The following NDST2 variants were observed in gnomAD, a reference collection of about 807,000 sequenced individuals.
The protein encoded by NDST2 is bifunctional heparan sulfate N-deacetylase/N-sulfotransferase 2.
NDST2 carries 32 observed loss-of-function variants against 86.9 expected under a neutral mutation model. That is an observed-to-expected ratio of 0.37 (90% confidence interval 0.28 to 0.49). NDST2 has a LOEUF of 0.49. NDST2 is among the 20% of genes least tolerant of loss of function. The pLI is 0.97. For synonymous variants in NDST2, 409 were observed against 437.0 expected (o/e 0.94, Z 0.80); for missense variants, 950 against 1,146.9 (o/e 0.83, Z 2.48).
In NDST2 at chr10:73,807,474, G is replaced by C; in HGVS notation, c.915C>G (p.Leu305=). 1 of 1,614,230 alleles carries C rather than the reference G, an allele frequency of 6.2e-7. No homozygotes were observed. The highest frequency in any genetic ancestry group is 8.5e-7 in the Non-Finnish European group (1 of 1,180,046). ...DAVAYLTGKR[L]CLDLDRYILV... is the part of the protein sequence containing the mutation. ...AGATGTAGCGGTCAAGGTCCAGGCAGAGGCGCTTGCCAGTGAGGTATGCAA... is the reference window on the plus strand; with the variant it reads ...AGATGTAGCGGTCAAGGTCCAGGCACAGGCGCTTGCCAGTGAGGTATGCAA... Residue 305 remains leucine, a synonymous_variant, in exon 3 of 15, where the codon CTC becomes CTG. Coordinates refer to ENST00000309979, the MANE Select transcript of NDST2 (RefSeq NM_003635.4).
rs1460709986 is a variant in NDST2 at position 73,808,204 on chromosome 10, C to A, written c.185G>T (p.Gly62Val). Reference protein sequence around the residue: ...LGDCSSGGAAGPGPARPPVPP... With the variant: ...LGDCSSGGAAVPGPARPPVPP... ...AACTGGAGGCCGTGCAGGGCCAGGACCAGCTGCCCCACCGCTGCTGCAGTC... is the reference window on the plus strand; with the variant it reads ...AACTGGAGGCCGTGCAGGGCCAGGAACAGCTGCCCCACCGCTGCTGCAGTC... Residue 62 changes from glycine to valine, a missense_variant, in exon 3 of 15, where the codon GGT (glycine) becomes GTT (valine). Physicochemically the swap from Gly to Val is moderately radical, Grantham distance 109. Transcript: ENST00000309979. The surrounding 1 kb of genome is among the most constrained non-coding windows in gnomAD (Gnocchi z 4.3). 6 of 1,613,596 alleles carry A rather than the reference C, an allele frequency of 3.7e-6. No homozygotes were observed. The highest frequency in any genetic ancestry group is 5.1e-6 in the Non-Finnish European group (6 of 1,179,742).
At chr10:73,810,362 G>A (rs1196261207) in intron 2 of NDST2, among the ~76,000 whole-genome samples, 2 of 152,126 alleles carry the variant, frequency 1.3e-5, no homozygotes, top group African/African-American at 4.8e-5. Context: ...GGAGGCTGAG[G>A]CAGGAGAATC....
At chr10:73,804,619 G>A (rs1452362646) in intron 9 of NDST2, among the ~76,000 whole-genome samples, 154 bp downstream of exon 9, 1 of 151,340 alleles carries the variant, frequency 6.6e-6, no homozygotes, top group Admixed American at 6.6e-5. Flanking sequence ...CCTGGGCAAA[G>A]AAGTGAGACT....
At position 73,803,519 on chromosome 10, in the gene NDST2, TCCCCTCC is replaced by T. The variant is rs1332035980; in HGVS notation, c.2142+48_2142+54del. ...CTTTCTCCCTCTCTAGCAGTCACTGTCCCCTCCCCCCTCCCCCCAACCTTTAGCCTGT... is the reference window on the plus strand; with the variant it reads ...CTTTCTCCCTCTCTAGCAGTCACTGTCCCCTCCCCCCAACCTTTAGCCTGT... On this transcript the variant is annotated intron_variant, in intron 11 of 14. Coordinates refer to ENST00000309979, the MANE Select transcript of NDST2 (RefSeq NM_003635.4). 7.6e-5 allele frequency: 43 copies of T among 565,934 alleles called. 1 individual carries two copies. Among genetic ancestry groups the T allele is most frequent in the Non-Finnish European group, 1.3e-4 (39 of 292,708 alleles). 35.1% of individuals were successfully genotyped at this position (565,934 alleles called of 1,614,324 possible). A position where few individuals can be genotyped will look rare whatever the true frequency, so the allele number is the denominator to read the frequency against.
chr10:73,802,536 A>G lies in NDST2; in HGVS notation c.2567T>C (p.Leu856Ser). The G allele has an allele frequency of 6.2e-7, 1 of 1,614,132 alleles. No individual in the cohort carries two copies. Among genetic ancestry groups the G allele is most frequent in the South Asian group, 1.1e-5 (1 of 91,088 alleles). Residue 856 changes from leucine to serine, a missense_variant, in exon 15 of 15, where the codon TTG becomes TCG. Leu to Ser is a moderately radical substitution (Grantham distance 145). This residue lies in a region of NDST2 where 303 missense variants were observed against 323.7 expected (regional missense o/e 0.94). Transcript: ENST00000309979. ...FLTDFFRNHN[L>S]ELSKLLSRLG... Reference sequence around the variant, plus strand: ...CCGGCTCAGCAGCTTCGACAACTCCAAATTATGGTTCCGGAAAAAATCCGT... The same window carrying G: ...CCGGCTCAGCAGCTTCGACAACTCCGAATTATGGTTCCGGAAAAAATCCGT...
At chr10:73,811,360 GC>G (rs2084252220) in intron 1 of NDST2, 113 bp downstream of exon 1, 1 of 152,690 alleles carries the variant, frequency 6.5e-6, no homozygotes, top group African/African-American at 2.4e-5. Context: ...CGCGGCGCAC[GC>G]TGGGCCGCCC....
Position 73,807,365 on chromosome 10 carries a change from T to C in NDST2, c.1005+19A>G. On this transcript the variant is annotated intron_variant, in intron 3 of 14. Coordinates refer to ENST00000309979, the MANE Select transcript of NDST2 (RefSeq NM_003635.4). ...GTGTGAATAGCTTCTAAGAAAAAAA[T>C]TTAAGTAACAAGACTGACCTCAACA... 1.2e-6 allele frequency: 2 copies of C among 1,608,542 alleles called. No homozygotes were observed. The highest frequency in any genetic ancestry group is 1.7e-6 in the Non-Finnish European group (2 of 1,176,588).
intron 2 of NDST2, among the ~76,000 whole-genome samples, chr10:73,810,095 C>T (rs571341195): frequency 6.6e-6 from 1 of 152,286 alleles, no homozygotes; most frequent in African/African-American, 2.4e-5. Flanking sequence ...CTCTACCACC[C>T]ACCCCCAAAC....
chr10:73,810,169 ACAGTT>A lies in NDST2; in HGVS notation c.-342+625_-342+629del, dbSNP rs2084171344. ...CAGAATTGACAGAGATGATTTAAAA[ACAGTT>A]CAGGACAGGCGTGGTGCCTCACGCC... On this transcript the variant is annotated intron_variant, in intron 2 of 14. Transcript: ENST00000309979. Among the ~76,000 whole-genome samples the A allele has an allele frequency of 2.0e-5, 3 of 152,260 alleles. No individual in the cohort carries two copies. In the East Asian group the frequency reaches 5.8e-4, roughly 29 times the overall value.
chr10:73,805,275 G>A (rs2084079832), intron 8 of NDST2, among the ~76,000 whole-genome samples: 1 of 151,956 alleles, frequency 6.6e-6, no homozygotes, highest in African/African-American at 2.4e-5. Context: ...CACTTTGGGA[G>A]GCTGAGGCGG....
rs911215781 is a variant in NDST2, at chr10:73,802,684, A to G, written c.2516T>C (p.Met839Thr). Residue 839 changes from methionine (M) to threonine (T), a missense_variant, in exon 14 of 15, where the codon ATG becomes ACG. Physicochemically the swap from Met to Thr is moderately conservative, Grantham distance 81 (BLOSUM62 -1). This residue lies in a region of NDST2 where 303 missense variants were observed against 323.7 expected (regional missense o/e 0.94). Transcript: ENST00000309979. Reference sequence around the variant, plus strand: ...CCTGGCTTTACTTACCTCAGTGTCCATATCTGGATACCTCCGGCCTTTGCT... The same window carrying G: ...CCTGGCTTTACTTACCTCAGTGTCCGTATCTGGATACCTCCGGCCTTTGCT... Reference protein sequence around the residue: ...GRSKGRRYPDMDTESRLFLTD... With the variant: ...GRSKGRRYPDTDTESRLFLTD... The G allele has an allele frequency of 3.7e-6, 6 of 1,614,198 alleles. No individual in the cohort carries two copies. Among genetic ancestry groups the G allele is most frequent in the Non-Finnish European group, 5.1e-6 (6 of 1,180,034 alleles).
At position 73,806,056 on chromosome 10, in the gene NDST2, A is replaced by G; in HGVS notation, c.1435-28T>C. On this transcript the variant is annotated intron_variant, in intron 6 of 14. Coordinates refer to ENST00000309979, the MANE Select transcript of NDST2 (RefSeq NM_003635.4). The surrounding 1 kb of genome is among the most constrained non-coding windows in gnomAD (Gnocchi z 4.5). The stretch of plus-strand genomic sequence containing the variant: ...GGAGGGAAAAGAAAAAACAGATGAG[A>G]TTTGAAAGATAGAATGAGAAGTAGA... 1 of 1,611,008 alleles carries G rather than the reference A, an allele frequency of 6.2e-7. No homozygotes were observed. Among genetic ancestry groups the G allele is most frequent in the Non-Finnish European group, 8.5e-7 (1 of 1,178,806 alleles).
Position 73,803,108 on chromosome 10 carries a change from C to T in NDST2, c.2314-27G>A, listed in dbSNP as rs1356086004. 3.7e-6 allele frequency: 6 copies of T among 1,613,824 alleles called. No homozygotes were observed. In the South Asian group the frequency reaches 6.6e-5, roughly 18 times the overall value. On this transcript the variant is annotated intron_variant, in intron 12 of 14. Coordinates refer to ENST00000309979, the MANE Select transcript of NDST2 (RefSeq NM_003635.4). ...TAAAAGGACAGGGATGTGGTTCCCT[C>T]TATATTCCTAAGAAGCCTCTGGGCT...
rs2084090730 is a variant in NDST2 at position 73,805,764 on chromosome 10, G to A, written c.1569C>T (p.Ser523=). 6.2e-7 allele frequency: 1 copy of A among 1,614,098 alleles called. No homozygotes were observed. The highest frequency in any genetic ancestry group is 1.1e-5 in the South Asian group (1 of 91,084). ...AATTGGACAGATGGGTCATAAAGATGCTGATCTGTAAGGGGTACCTGCATG... is the reference window on the plus strand; with the variant it reads ...AATTGGACAGATGGGTCATAAAGATACTGATCTGTAAGGGGTACCTGCATG... ...LFLTVLLNPI[S]IFMTHLSNYG... The change falls in exon 8 of 15, where the codon AGC becomes AGT. Residue 523 remains serine (S), a synonymous_variant. Coordinates refer to ENST00000309979, the MANE Select transcript of NDST2 (RefSeq NM_003635.4).
chr10:73,803,267 G>T lies in NDST2; in HGVS notation c.2235C>A (p.Ser745=), dbSNP rs748291830. Residue 745 remains serine, a synonymous_variant, in exon 12 of 15, where the codon TCC becomes TCA. Coordinates refer to ENST00000309979, the MANE Select transcript of NDST2 (RefSeq NM_003635.4). ...CAGGGACAAGACAGCGGTTCTGCAG[G>T]GAGCGTAGTGCCAGAGGGGTCTGGG... The part of the protein sequence containing the change: ...ASSQTPLALR[S]LQNRCLVPGY... 6.2e-7 allele frequency: 1 copy of T among 1,614,090 alleles called. No homozygotes were observed. The highest frequency in any genetic ancestry group is 1.3e-5 in the African/African-American group (1 of 74,920).
Position 73,803,979 on chromosome 10 carries a change from T to G in NDST2, c.1881A>C (p.Pro627=). The change falls in exon 10 of 15, where the codon CCA becomes CCC. Residue 627 remains proline, a synonymous_variant. Transcript: ENST00000309979. Reference sequence around the variant, plus strand: ...GGCTAGGGAAGCTGCTAGTTACAGCTGGGTGCAGGCTCAGGAAGAAGTGAA... The same window carrying G: ...GGCTAGGGAAGCTGCTAGTTACAGCGGGGTGCAGGCTCAGGAAGAAGTGAA... ...TAIHFFLSLH[P]AVTSSFPSPS... 6.2e-7 allele frequency: 1 copy of G among 1,614,088 alleles called. No homozygotes were observed. Among genetic ancestry groups the G allele is most frequent in the Middle Eastern group, 1.6e-4 (1 of 6,062 alleles).
chr10:73,803,406 A>T, intron 11 of NDST2, 47 bp from the exon 12 acceptor site: 1 of 1,607,310 alleles, frequency 6.2e-7, no homozygotes, highest in Non-Finnish European at 8.5e-7. Context: ...ATTTGACAGT[A>T]TTCTGCCCTT....
rs1275347454 is a variant in NDST2, at chr10:73,808,606, G to C, written c.-218C>G. ...GGGGGCAACTATACAGAGTCCACTT[G>C]TCTCAGGTCACCATGGCCCCCTGGC... On this transcript the variant is annotated 5_prime_UTR_variant, in exon 3 of 15. Transcript: ENST00000309979. This position sits in a 1 kb window ranked among gnomAD's most constrained non-coding sequence, Gnocchi z 4.3. 3.8e-6 allele frequency: 2 copies of C among 521,630 alleles called. No individual in the cohort carries two copies. Among genetic ancestry groups the C allele is most frequent in the Non-Finnish European group, 6.8e-6 (2 of 295,484 alleles). The allele number at this position is 521,630 out of a possible 1,614,324, so 32.3% of individuals were successfully genotyped here. A position where few individuals can be genotyped will look rare whatever the true frequency, so the allele number is the denominator to read the frequency against.
chr10:73,804,902 ATTTTTT>A, intron 8 of NDST2, 33 bp from the exon 9 acceptor site: 4 of 983,266 alleles, frequency 4.1e-6, no homozygotes, highest in Admixed American at 2.7e-5. Flanking sequence ...GATAAGGCCT[ATTTTTT>A]TTTTTTTTTT....
Sources: allele counts gnomAD v4.1 joint callset (sites outside exome capture counted in the v4.1 genomes callset), GRCh38; gene constraint gnomAD v4.1.1; regional missense constraint gnomAD v4.1.1; non-coding constraint Gnocchi (gnomAD v3.1); transcripts MANE v1.5; gene names NCBI Gene and HGNC (gene_info 2026-07-23, HGNC 2026-07-21).